The following CAMK1D variants were observed in gnomAD, a reference collection of about 807,000 sequenced individuals.
The protein encoded by CAMK1D is calcium/calmodulin dependent protein kinase ID, also known as calcium/calmodulin-dependent protein kinase type 1D.
Under a neutral mutation model 47.7 loss-of-function variants are expected in CAMK1D, and 9 were observed. The ratio of observed to expected loss-of-function variants is 0.19; its 90% confidence interval spans 0.11 to 0.33. The LOEUF is 0.33. CAMK1D is among the 10% of genes least tolerant of loss of function. The pLI is 1.00. For missense variants in CAMK1D, 291 were observed against 488.7 expected (o/e 0.60, Z 3.81); for synonymous variants, 184 against 184.9 (o/e 0.99, Z 0.04).
At chr10:12,450,677 A>G (rs1035132839) in intron 1 of CAMK1D, among the ~76,000 whole-genome samples, 3 of 152,184 alleles carry the variant, frequency 2.0e-5, no homozygotes, top group African/African-American at 7.2e-5. Context: ...GAGGTCTTGT[A>G]TTTTCTAGTC....
intron 1 of CAMK1D, among the ~76,000 whole-genome samples, chr10:12,476,563 G>A (rs1053463595): frequency 1.3e-5 from 2 of 152,148 alleles, no homozygotes; most frequent in Admixed American, 6.5e-5. Context: ...CTTACTCAGC[G>A]AAGATCATTA....
At chr10:12,502,417 G>A (rs755853563) in intron 1 of CAMK1D, among the ~76,000 whole-genome samples, 43 of 152,266 alleles carry the variant, frequency 2.8e-4, no homozygotes, top group Non-Finnish European at 4.6e-4. Flanking sequence ...GCGATGAGGC[G>A]TCTTGGCTTG....
At chr10:12,418,123 C>G (rs1839917776) in intron 1 of CAMK1D, among the ~76,000 whole-genome samples, 1 of 152,178 alleles carries the variant, frequency 6.6e-6, no homozygotes, top group South Asian at 2.1e-4. Flanking sequence ...AAAAGAAGCC[C>G]TCGCCCTGCC....
At chr10:12,684,693 G>C (rs1832584994) in intron 3 of CAMK1D, among the ~76,000 whole-genome samples, 1 of 152,090 alleles carries the variant, frequency 6.6e-6, no homozygotes, top group Non-Finnish European at 1.5e-5. Context: ...AGCTTCTTGT[G>C]TAAATATATA....
At chr10:12,683,400 A>G (rs896358429) in intron 3 of CAMK1D, among the ~76,000 whole-genome samples, 3 of 152,080 alleles carry the variant, frequency 2.0e-5, no homozygotes, top group African/African-American at 7.2e-5. Context: ...AATTCTTTTT[A>G]TAAGCCTACC....
chr10:12,674,534 C>A (rs1840732886), intron 3 of CAMK1D, among the ~76,000 whole-genome samples: 1 of 142,726 alleles, frequency 7.0e-6, no homozygotes, highest in South Asian at 2.3e-4. Flanking sequence ...TGTACTGCTG[C>A]AGCAAGAGTC....
chr10:12,384,583 T>A (rs888023827), intron 1 of CAMK1D, among the ~76,000 whole-genome samples: 1 of 152,182 alleles, frequency 6.6e-6, no homozygotes, highest in Non-Finnish European at 1.5e-5. Context: ...AATTCAGTGA[T>A]GGGAAGAATA....
chr10:12,494,523 T>A (rs1010907480), intron 1 of CAMK1D, among the ~76,000 whole-genome samples: 1 of 152,134 alleles, frequency 6.6e-6, no homozygotes, highest in African/African-American at 2.4e-5. Flanking sequence ...AAGCCAGATA[T>A]TTTTGTGTCC....
chr10:12,407,783 C>A (rs58576742), intron 1 of CAMK1D, among the ~76,000 whole-genome samples: 1 of 152,048 alleles, frequency 6.6e-6, no homozygotes, highest in South Asian at 2.1e-4. Flanking sequence ...GTACTTCCCC[C>A]CCGGGAAACA....
At chr10:12,561,804 A>G (rs1054014947) in intron 2 of CAMK1D, among the ~76,000 whole-genome samples, 1 of 152,254 alleles carries the variant, frequency 6.6e-6, no homozygotes, top group African/African-American at 2.4e-5. Flanking sequence ...TTTGAGATCC[A>G]GAATCAATGC....
chr10:12,764,381 C>CAAACAAAA (rs1836645670), intron 4 of CAMK1D, among the ~76,000 whole-genome samples: 1 of 77,984 alleles, frequency 1.3e-5, no homozygotes, highest in African/African-American at 4.9e-5. Context: ...CACTTTGTCT[C>CAAACAAAA]AAAAAAAAAA....
chr10:12,625,102 C>T lies in CAMK1D; in HGVS notation c.225-41634C>T, dbSNP rs1839167485. 2.6e-5 allele frequency among the ~76,000 whole-genome samples: 4 copies of T among 151,976 alleles called. No individual in the cohort carries two copies. In the South Asian group the frequency reaches 8.3e-4, roughly 32 times the overall value. On this transcript the variant is annotated intron_variant, in intron 2 of 10. Coordinates refer to ENST00000619168, the MANE Select transcript of CAMK1D (RefSeq NM_153498.4). ...CTGTAATCCCAGCACTTTGGGAGGCCAAGGCAGGCAGATCACCTGAGGTGA... is the reference window on the plus strand; with the variant it reads ...CTGTAATCCCAGCACTTTGGGAGGCTAAGGCAGGCAGATCACCTGAGGTGA...
Position 12,538,478 on chromosome 10 carries a change from G to T in CAMK1D, c.93-14747G>T, listed in dbSNP as rs140250216. ...TGTATCCAGTTTTTATGTTTAAGCA[G>T]ACTTTTCAGAAGCACTGAATTGTAT... On this transcript the variant is annotated intron_variant, in intron 1 of 10. Transcript: ENST00000619168. Among the ~76,000 whole-genome samples, 170 of 152,298 alleles carry T rather than the reference G, an allele frequency of 1.1e-3. 1 individual carries two copies. Among genetic ancestry groups the T allele is most frequent in the African/African-American group, 3.9e-3 (161 of 41,566 alleles).
intron 2 of CAMK1D, among the ~76,000 whole-genome samples, chr10:12,619,979 A>G (rs769614809): frequency 3.9e-5 from 6 of 152,120 alleles, no homozygotes; most frequent in Admixed American, 1.3e-4. Flanking sequence ...TTTTCACTCA[A>G]CTTTCACTGG....
chr10:12,438,826 A>G lies in CAMK1D; in HGVS notation c.92+88916A>G, dbSNP rs376802971. Among the ~76,000 whole-genome samples, 11 of 152,360 alleles carry G rather than the reference A, an allele frequency of 7.2e-5. No individual in the cohort carries two copies. The East Asian group carries it at 2.1e-3, about 29-fold the overall frequency. ...CTTGCTCCATTCTACCACAGAGTTA[A>G]TGGTCTTGATTTTAGTGAAATAACA... is the stretch of plus-strand genomic sequence containing the variant. On this transcript the variant is annotated intron_variant, in intron 1 of 10. Transcript: ENST00000619168.
At chr10:12,802,940 TGTG>T (rs926358593) in intron 6 of CAMK1D, among the ~76,000 whole-genome samples, 1 of 152,160 alleles carries the variant, frequency 6.6e-6, no homozygotes, top group African/African-American at 2.4e-5. Context: ...AACATGCAGG[TGTG>T]GTGTTTCCCC....
rs188302516 is a variant in CAMK1D, at chr10:12,678,095, C to A, written c.299+11285C>A. Among the ~76,000 whole-genome samples, 90 of 151,994 alleles carry A rather than the reference C, an allele frequency of 5.9e-4. 1 individual carries two copies. The highest frequency in any genetic ancestry group is 2.1e-3 in the African/African-American group (88 of 41,512). Reference sequence around the variant, plus strand: ...GTTCAACTGTATGAAGTTGCCAGTACATAATCATGTTTTTCAAGGTCTTCT... The same window carrying A: ...GTTCAACTGTATGAAGTTGCCAGTAAATAATCATGTTTTTCAAGGTCTTCT... On this transcript the variant is annotated intron_variant, in intron 3 of 10. Transcript: ENST00000619168.
At position 12,732,112 on chromosome 10, in the gene CAMK1D, G is replaced by A. The variant is rs528472019; in HGVS notation, c.300-28836G>A. Among the ~76,000 whole-genome samples, 39 of 152,210 alleles carry A rather than the reference G, an allele frequency of 2.6e-4. No homozygotes were observed. The East Asian group carries it at 5.4e-3, about 21-fold the overall frequency. ...AAAAAGTAACTGGGTGTGGTGGCGC[G>A]TGCCTGTAATCCCAACTACTCAGGA... On this transcript the variant is annotated intron_variant, in intron 3 of 10. Transcript: ENST00000619168.
At chr10:12,502,176 A>T (rs1018631927) in intron 1 of CAMK1D, among the ~76,000 whole-genome samples, 2 of 152,202 alleles carry the variant, frequency 1.3e-5, no homozygotes, top group Admixed American at 6.5e-5. Flanking sequence ...TCTGGACCGA[A>T]GGAATGAGAG....
Sources: gnomAD v4.1 joint callset for allele counts (sites outside exome capture counted in the v4.1 genomes callset) on GRCh38, gnomAD v4.1.1 for gene constraint, MANE v1.5 for transcripts, NCBI Gene and HGNC (gene_info 2026-07-23, HGNC 2026-07-21) for gene names.